The following NPAS3 variants were observed in gnomAD, a reference collection of about 807,000 sequenced individuals.
NPAS3 encodes neuronal PAS domain protein 3, also known as neuronal PAS domain-containing protein 3.
NPAS3 carries 14 observed loss-of-function variants against 73.1 expected under a neutral mutation model. The observed-to-expected ratio is 0.19, with a 90% CI of 0.13 to 0.30. The LOEUF is 0.30. NPAS3 is among the 10% of genes least tolerant of loss of function. The pLI, the probability that NPAS3 is intolerant of heterozygous loss-of-function variation, is 1.00. For missense variants in NPAS3, 1,096 were observed against 1,250.0 expected (o/e 0.88, Z 1.86); for synonymous variants, 620 against 541.5 (o/e 1.14, Z -2.01).
rs180976797 is a variant in NPAS3, at chr14:32,950,772, T to C, written c.50+11406T>C. 5.9e-5 allele frequency among the ~76,000 whole-genome samples: 9 copies of C among 152,228 alleles called. No individual in the cohort carries two copies. In the East Asian group the frequency reaches 1.7e-3, roughly 29 times the overall value. On this transcript the variant is annotated intron_variant, in intron 1 of 11. Coordinates refer to ENST00000356141, the Ensembl canonical transcript of NPAS3. The stretch of plus-strand genomic sequence containing the variant: ...AGCCCTTTTTACGATAGTGACACCA[T>C]CCTCTAGCTAATGTGGTTTTGTGTA...
At chr14:33,123,628 A>G (rs2043315654) in intron 2 of NPAS3, among the ~76,000 whole-genome samples, 2 of 152,158 alleles carry the variant, frequency 1.3e-5, no homozygotes, top group South Asian at 2.1e-4. Context: ...AGTTATATGT[A>G]ATTTCCTGAT....
chr14:33,753,468 T>C (rs995235474), intron 7 of NPAS3, among the ~76,000 whole-genome samples: 1 of 152,088 alleles, frequency 6.6e-6, no homozygotes, highest in Non-Finnish European at 1.5e-5. Flanking sequence ...TATTATGCTA[T>C]AAATTCCATC....
chr14:33,503,346 T>G (rs1316230694), intron 4 of NPAS3, among the ~76,000 whole-genome samples: 1 of 152,054 alleles, frequency 6.6e-6, no homozygotes, highest in South Asian at 2.1e-4. Flanking sequence ...GGCAAAATAC[T>G]TATAATGACT....
intron 4 of NPAS3, among the ~76,000 whole-genome samples, chr14:33,521,356 C>A (rs1195644006): frequency 6.6e-6 from 1 of 152,030 alleles, no homozygotes; most frequent in Admixed American, 6.6e-5. Context: ...TCTGTTTCTA[C>A]AAAGTCCTGT....
intron 1 of NPAS3, among the ~76,000 whole-genome samples, chr14:33,001,833 C>T (rs962009510): frequency 6.6e-6 from 1 of 152,116 alleles, no homozygotes; most frequent in African/African-American, 2.4e-5. Context: ...TCTTTTCCTC[C>T]CTTTTGTGTG....
chr14:33,280,397 A>G (rs957378216), intron 3 of NPAS3, among the ~76,000 whole-genome samples: 1 of 152,226 alleles, frequency 6.6e-6, no homozygotes, highest in African/African-American at 2.4e-5. Context: ...GTTGTTTATT[A>G]CAGTTGGTCC....
At chr14:32,941,825 A>C (rs1314264177) in intron 1 of NPAS3, among the ~76,000 whole-genome samples, 2 of 152,182 alleles carry the variant, frequency 1.3e-5, no homozygotes, top group Non-Finnish European at 2.9e-5. Flanking sequence ...ACCTTTCAAA[A>C]GGCAACAACC....
chr14:33,303,597 T>C (rs1303179876), intron 3 of NPAS3, among the ~76,000 whole-genome samples: 4 of 152,230 alleles, frequency 2.6e-5, no homozygotes, highest in African/African-American at 9.6e-5. Flanking sequence ...CCATTTTTCA[T>C]TATTAGCAAG....
intron 6 of NPAS3, among the ~76,000 whole-genome samples, chr14:33,695,945 A>G (rs1250932872): frequency 1.3e-5 from 2 of 152,182 alleles, no homozygotes; most frequent in African/African-American, 4.8e-5. Flanking sequence ...TTAAAAAATG[A>G]CTTTCATTAT....
chr14:33,345,232 T>C (rs1003365828), intron 3 of NPAS3, among the ~76,000 whole-genome samples: 5 of 152,218 alleles, frequency 3.3e-5, no homozygotes, highest in Admixed American at 6.5e-5. Flanking sequence ...TGCAAACTTA[T>C]CTTCTAAACT....
intron 3 of NPAS3, among the ~76,000 whole-genome samples, chr14:33,330,902 A>C (rs1040793543): frequency 6.6e-6 from 1 of 152,214 alleles, no homozygotes; most frequent in African/African-American, 2.4e-5. Context: ...ATAAAGAATA[A>C]TTATTTGCTG....
intron 4 of NPAS3, among the ~76,000 whole-genome samples, chr14:33,554,640 G>A (rs2139715487): frequency 6.6e-6 from 1 of 152,214 alleles, no homozygotes; most frequent in Non-Finnish European, 1.5e-5. Context: ...GTTTGGGGGT[G>A]ATTTTTCCCC....
At chr14:33,156,268 G>A (rs1257132062) in intron 2 of NPAS3, among the ~76,000 whole-genome samples, 1 of 152,068 alleles carries the variant, frequency 6.6e-6, no homozygotes, top group African/African-American at 2.4e-5. Flanking sequence ...TTGGATTTTT[G>A]CATCACTGCA....
chr14:33,313,594 ATTCAGTG>A (rs1218604491), intron 3 of NPAS3, among the ~76,000 whole-genome samples: 2 of 152,092 alleles, frequency 1.3e-5, no homozygotes, highest in African/African-American at 2.4e-5. Flanking sequence ...TATAACAAAA[ATTCAGTG>A]TCCATTCCAT....
intron 2 of NPAS3, among the ~76,000 whole-genome samples, chr14:33,128,076 G>C (rs1339513225): frequency 2.6e-5 from 4 of 152,100 alleles, no homozygotes; most frequent in African/African-American, 7.2e-5. Flanking sequence ...GTACAAAGCT[G>C]TCACAGCTTA....
chr14:33,277,928 G>A (rs552672326), intron 3 of NPAS3, among the ~76,000 whole-genome samples: 1 of 152,218 alleles, frequency 6.6e-6, no homozygotes, highest in South Asian at 2.1e-4. Flanking sequence ...GGTTAAAGTG[G>A]AAGCAGAGAG....
At chr14:33,585,382 C>T (rs2056826441) in intron 5 of NPAS3, among the ~76,000 whole-genome samples, 1 of 152,178 alleles carries the variant, frequency 6.6e-6, no homozygotes, top group Non-Finnish European at 1.5e-5. Context: ...TATAGACCAG[C>T]AGTCGAGAAT....
chr14:33,032,310 A>G (rs1269509269), intron 1 of NPAS3, among the ~76,000 whole-genome samples: 1 of 152,186 alleles, frequency 6.6e-6, no homozygotes, highest in African/African-American at 2.4e-5. Context: ...TTAATTTATC[A>G]GTGGTGCATA....
chr14:33,341,015 C>T (rs925047908), intron 3 of NPAS3, among the ~76,000 whole-genome samples: 6 of 152,180 alleles, frequency 3.9e-5, no homozygotes, highest in African/African-American at 1.4e-4. Context: ...GCTTTGATCT[C>T]ACTTTTCATG....
Sources: gnomAD v4.1 joint callset for allele counts (sites outside exome capture counted in the v4.1 genomes callset) on GRCh38, gnomAD v4.1.1 for gene constraint, MANE v1.5 for transcripts, NCBI Gene and HGNC (gene_info 2026-07-23, HGNC 2026-07-21) for gene names.